The following FASN variants were observed in gnomAD, a reference collection of about 807,000 sequenced individuals.
The protein encoded by FASN is fatty acid synthase.
A neutral mutation model predicts 250.0 loss-of-function variants in FASN; 50 were observed. The observed-to-expected ratio is 0.20, with a 90% CI of 0.16 to 0.25. FASN has a LOEUF of 0.25. Among genes scored for constraint, FASN ranks in the 10% least tolerant of loss-of-function variants. The pLI, the probability that FASN is intolerant of heterozygous loss-of-function variation, is 1.00. For missense variants in FASN, 3,031 were observed against 3,498.5 expected, an observed-to-expected ratio of 0.87 and a Z score of 3.37; for synonymous variants, 1,909 against 1,584.0, an observed-to-expected ratio of 1.21 and a Z score of -4.87.
chr17:82,096,870 G>C (rs1031853133), intron 1 of FASN: 11 of 315,678 alleles, frequency 3.5e-5, no homozygotes, highest in South Asian at 1.9e-4. Flanking sequence ...GGAGCAGGCA[G>C]GGTCACCTGA....
intron 11 of FASN, among the ~76,000 whole-genome samples, 188 bp downstream of exon 11, chr17:82,090,187 T>C (rs1427890006): frequency 6.6e-6 from 1 of 152,194 alleles, no homozygotes; most frequent in Non-Finnish European, 1.5e-5. Flanking sequence ...GGCCCAAGGC[T>C]GCCAGGTGTG....
chr17:82,095,958 G>A (rs2034295823), intron 2 of FASN, among the ~76,000 whole-genome samples: 1 of 152,230 alleles, frequency 6.6e-6, no homozygotes, highest in Admixed American at 6.5e-5. Context: ...CCCCTGCATG[G>A]GTGAGAGACC....
intron 8 of FASN, 84 bp downstream of exon 8, chr17:82,092,371 G>C: frequency 2.8e-6 from 4 of 1,441,158 alleles, no homozygotes; most frequent in South Asian, 1.2e-5. Flanking sequence ...ACTTGGCAAA[G>C]AGAAAGCAGC....
In FASN at chr17:82,092,494, C is replaced by T; in HGVS notation, c.990G>A (p.Gly330=). 2 of 1,596,056 alleles carry T rather than the reference C, an allele frequency of 1.3e-6. No homozygotes were observed. The highest frequency in any genetic ancestry group is 1.7e-6 in the Non-Finnish European group (2 of 1,173,966). Residue 330 remains glycine (G), a synonymous_variant, in exon 8 of 43, where the codon GGG becomes GGA. Transcript: ENST00000306749. ...CCAGCCCCGAGGCTGGCTCCGGGTG[C>T]CCCATGTTGGACTTGGTGGAGCCGA... The part of the protein sequence containing the change: ...LLIGSTKSNM[G]HPEPASGLAA...
At position 82,083,510 on chromosome 17, in the gene FASN, G is replaced by A. The variant is rs1409948313; in HGVS notation, c.5341+7C>T. 2.5e-6 allele frequency: 4 copies of A among 1,612,804 alleles called. No homozygotes were observed. The Admixed American group carries it at 5.0e-5, about 20-fold the overall frequency. On this transcript the variant is annotated splice_region_variant and intron_variant, in intron 31 of 42. Transcript: ENST00000306749. ...GCCCACCCCCGCCCAGGCGCTGCCG[G>A]CCTCACCGAGCGGGTGGTTCTGAGA...
Position 82,087,462 on chromosome 17 carries a change from A to T in FASN, c.3086T>A (p.Phe1029Tyr). The change falls in exon 20 of 43, where the codon TTC becomes TAC. Residue 1029 changes from phenylalanine to tyrosine, a missense_variant. Coordinates refer to ENST00000306749, the MANE Select transcript of FASN (RefSeq NM_004104.5). ...GGACATCTGCAGCATGGTGTCCATG[A>T]AGCTCACCCAGTTATCCTTCCACAG... ...RLLWKDNWVSFMDTMLQMSIL... is the reference protein window; with the variant it reads ...RLLWKDNWVSYMDTMLQMSIL... 6.2e-7 allele frequency: 1 copy of T among 1,612,652 alleles called. No homozygotes were observed. Among genetic ancestry groups the T allele is most frequent in the Non-Finnish European group, 8.5e-7 (1 of 1,179,988 alleles).
chr17:82,079,838 G>C, intron 41 of FASN: 1 of 658,432 alleles, frequency 1.5e-6, no homozygotes, highest in Non-Finnish European at 2.6e-6. Context: ...CTCCCGAGTA[G>C]GTGGGACTAT....
At chr17:82,079,682 G>C (rs2033953528) in intron 41 of FASN, 74 bp from the exon 42 acceptor site, 7 of 1,524,752 alleles carry the variant, frequency 4.6e-6, no homozygotes, top group Non-Finnish European at 6.1e-6. Context: ...ACTGCGGGTG[G>C]GCTTTTTTTT....
In FASN at chr17:82,086,504, A is replaced by T; in HGVS notation, c.3482T>A (p.Val1161Glu). ...GATCTGGGCCCCATCCAGTCCGGGC[A>T]CCACCATCTTCAGCCCCTGCTGGGT... The part of the protein sequence containing the change: ...KVTQQGLKMV[V>E]PGLDGAQIPR... The change falls in exon 22 of 43, where the codon GTG becomes GAG. Residue 1161 changes from valine to glutamate, a missense_variant. Coordinates refer to ENST00000306749, the MANE Select transcript of FASN (RefSeq NM_004104.5). The T allele has an allele frequency of 1.2e-6, 2 of 1,612,438 alleles. No homozygotes were observed. Among genetic ancestry groups the T allele is most frequent in the South Asian group, 1.1e-5 (1 of 91,070 alleles).
rs764810438 is a variant in FASN at position 82,093,659 on chromosome 17, G to A, written c.393C>T (p.Ser131=). The A allele has an allele frequency of 5.1e-5, 83 of 1,612,652 alleles. No homozygotes were observed. Among genetic ancestry groups the A allele is most frequent in the Non-Finnish European group, 6.7e-5 (79 of 1,179,988 alleles). Residue 131 remains serine, a synonymous_variant, in exon 4 of 43, where the codon AGC becomes AGT. Transcript: ENST00000306749. ...SRDPETLVGY[S]MVGCQRAMMA... is the part of the protein sequence containing the mutation. ...TCATCGCTCGCTGGCAGCCCACCAT[G>A]CTGTAGCCCACGAGTGTCTCGGGGT... is the stretch of plus-strand genomic sequence containing the variant.
intron 9 of FASN, 70 bp downstream of exon 9, chr17:82,091,152 G>T: frequency 6.2e-7 from 1 of 1,602,404 alleles, no homozygotes; most frequent in South Asian, 1.1e-5. Flanking sequence ...CACCTCAGGG[G>T]ACCACCAGCT....
chr17:82,084,586 C>A lies in FASN; in HGVS notation c.4695G>T (p.Thr1565=), dbSNP rs778360804. The change falls in exon 27 of 43, where the codon ACG becomes ACT. Residue 1565 remains threonine, a synonymous_variant. Transcript: ENST00000306749. The part of the protein sequence containing the change: ...QPTCPGAQLC[T]VYYASLNFRD... ...GGAAGTTGAGGGAGGCGTAGTAGAC[C>A]GTGCAGAGCTGGGCGCCAGGGCAGG... The A allele has an allele frequency of 2.2e-5, 36 of 1,610,926 alleles. No individual in the cohort carries two copies. The highest frequency in any genetic ancestry group is 3.1e-5 in the Non-Finnish European group (36 of 1,179,270).
chr17:82,080,266 G>A lies in FASN; in HGVS notation c.7048-28C>T, dbSNP rs750906105. On this transcript the variant is annotated intron_variant, in intron 40 of 42. Transcript: ENST00000306749. ...GAGAGGAAGGAGGGACTGCTGAGCA[G>A]ATGGAAGGGGCGGGGCCTCCTAAGC... is the stretch of plus-strand genomic sequence containing the variant. The A allele has an allele frequency of 1.9e-6, 3 of 1,612,184 alleles. No homozygotes were observed. The African/African-American group carries it at 4.0e-5, about 22-fold the overall frequency.
chr17:82,084,200 G>A (rs376215453), intron 28 of FASN, 34 bp downstream of exon 28: 13 of 1,609,632 alleles, frequency 8.1e-6, no homozygotes, highest in South Asian at 4.4e-5. Flanking sequence ...CGCCATCCAC[G>A]TGGGGCCCAG....
chr17:82,081,563 G>A (rs774815707), intron 37 of FASN, 38 bp downstream of exon 37: 25 of 1,609,506 alleles, frequency 1.6e-5, no homozygotes, highest in South Asian at 1.5e-4. Flanking sequence ...ATGCCAGCAG[G>A]GGAAACACCT....
In FASN at chr17:82,093,815, C is replaced by T. The variant is rs751838860; in HGVS notation, c.281-44G>A. Reference sequence around the variant, plus strand: ...AAGGTGCCACGGCCGGGCCCCACAGCGCAGCCAGCCCACCCACCCACCCGG... The same window carrying T: ...AAGGTGCCACGGCCGGGCCCCACAGTGCAGCCAGCCCACCCACCCACCCGG... On this transcript the variant is annotated intron_variant, in intron 3 of 42. Transcript: ENST00000306749. The T allele has an allele frequency of 1.8e-5, 28 of 1,590,962 alleles. 1 individual carries two copies. The highest frequency in any genetic ancestry group is 7.9e-5 in the South Asian group (7 of 88,574).
chr17:82,081,621 T>C lies in FASN; in HGVS notation c.6386A>G (p.Glu2129Gly), dbSNP rs202239083. ...RDRDSQRDLVEAVAHILGIRD... is the reference protein window; with the variant it reads ...RDRDSQRDLVGAVAHILGIRD... Reference sequence around the variant, plus strand: ...CTCACCCAGGATGTGTGCCACGGCCTCCACCAGGTCCCGCTGGCTGTCCCT... The same window carrying C: ...CTCACCCAGGATGTGTGCCACGGCCCCCACCAGGTCCCGCTGGCTGTCCCT... Residue 2129 changes from glutamate to glycine, a missense_variant, in exon 37 of 43, where the codon GAG (glutamate) becomes GGG (glycine). Coordinates refer to ENST00000306749, the MANE Select transcript of FASN (RefSeq NM_004104.5). 6.8e-6 allele frequency: 11 copies of C among 1,612,604 alleles called. No individual in the cohort carries two copies. The highest frequency in any genetic ancestry group is 5.9e-6 in the Non-Finnish European group (7 of 1,179,978).
Position 82,084,522 on chromosome 17 carries a change from C to T in FASN, c.4759G>A (p.Ala1587Thr). Residue 1587 changes from alanine (A) to threonine (T), a missense_variant, in exon 27 of 43, where the codon GCC becomes ACC. Physicochemically the swap from Ala to Thr is moderately conservative, Grantham distance 58 (BLOSUM62 0). Coordinates refer to ENST00000306749, the MANE Select transcript of FASN (RefSeq NM_004104.5). ...MLATGKLSPD[A>T]IPGKWTSQDS... is the part of the protein sequence containing the mutation. ...CCCATGCCACCCATACCTGGGATGG[C>T]ATCAGGGGACAGCTTGCCAGTGGCC... 1.2e-6 allele frequency: 2 copies of T among 1,609,428 alleles called. No individual in the cohort carries two copies. The highest frequency in any genetic ancestry group is 2.2e-5 in the South Asian group (2 of 90,328).
chr17:82,083,688 A>G (rs757961048), intron 30 of FASN, 49 bp from the exon 31 acceptor site: 2 of 1,604,594 alleles, frequency 1.2e-6, no homozygotes, highest in African/African-American at 1.3e-5. Context: ...AAGCCCAGCC[A>G]CCACAGTCCA....
Sources: allele counts gnomAD v4.1 joint callset (sites outside exome capture counted in the v4.1 genomes callset), GRCh38; gene constraint gnomAD v4.1.1; transcripts MANE v1.5; gene names NCBI Gene and HGNC (gene_info 2026-07-23, HGNC 2026-07-21).